The following RERE variants were observed in gnomAD, a reference collection of about 807,000 sequenced individuals.
RERE encodes the protein arginine-glutamic acid dipeptide repeats protein.
RERE carries 40 observed loss-of-function variants against 146.1 expected under a neutral mutation model. The observed-to-expected ratio is 0.27, with a 90% CI of 0.21 to 0.36. RERE has a LOEUF of 0.36. Ranked by LOEUF, RERE falls within the 10% of genes least tolerant of loss-of-function variation. RERE has a pLI of 1.00. For synonymous variants in RERE, 1,003 were observed against 866.0 expected, an observed-to-expected ratio of 1.16 and a Z score of -2.78; for missense variants, 1,933 against 2,138.7, an observed-to-expected ratio of 0.90 and a Z score of 1.90.
chr1:8,391,583 C>A (rs72636929), intron 12 of RERE, among the ~76,000 whole-genome samples: 10,047 of 152,296 alleles, frequency 0.066, 388 homozygotes, highest in Middle Eastern at 0.099. Flanking sequence ...CCCTCCTCAT[C>A]TCTGGGGTCA....
chr1:8,424,768 AG>A (rs1178561050), intron 11 of RERE: 1 of 152,498 alleles, frequency 6.6e-6, no homozygotes, highest in Admixed American at 6.5e-5. Context: ...GGGTGAAGCT[AG>A]GAAGAGGAAG....
chr1:8,608,986 A>C (rs1646757111), intron 4 of RERE, among the ~76,000 whole-genome samples: 2 of 152,126 alleles, frequency 1.3e-5, no homozygotes, highest in Non-Finnish European at 2.9e-5. Flanking sequence ...TGGGAGGCCG[A>C]GGCAGGAGAT....
chr1:8,558,929 G>A (rs1236338746), intron 4 of RERE, among the ~76,000 whole-genome samples: 5 of 150,700 alleles, frequency 3.3e-5, no homozygotes, highest in African/African-American at 1.2e-4. Context: ...CCAAGTAGCT[G>A]GGATTATAGG....
In RERE at chr1:8,656,450, GA is replaced by G; in HGVS notation, c.-144-10del. The G allele has an allele frequency of 9.9e-7, 1 of 1,010,016 alleles. No individual in the cohort carries two copies. Among genetic ancestry groups the G allele is most frequent in the Non-Finnish European group, 1.4e-6 (1 of 697,902 alleles). The allele number at this position is 1,010,016 out of a possible 1,614,324, so 62.6% of individuals were successfully genotyped here. On this transcript the variant is annotated splice_polypyrimidine_tract_variant and intron_variant, in intron 1 of 22. Coordinates refer to ENST00000400908, the MANE Select transcript of RERE (RefSeq NM_001042681.2). ...CCAACGTTTCAAAAATGCTAGGAGAGAAAAAAGAATGGTTTTAACGCTTTTT... is the reference window on the plus strand; with the variant it reads ...CCAACGTTTCAAAAATGCTAGGAGAGAAAAAGAATGGTTTTAACGCTTTTT...
intron 1 of RERE, among the ~76,000 whole-genome samples, chr1:8,725,341 G>A (rs915803817): frequency 2.6e-5 from 4 of 152,164 alleles, no homozygotes; most frequent in African/African-American, 7.2e-5. Flanking sequence ...CAAGGTGGGC[G>A]GATCTCTTGA....
At chr1:8,411,021 TGTAA>T (rs1643600329) in intron 12 of RERE, among the ~76,000 whole-genome samples, 1 of 152,186 alleles carries the variant, frequency 6.6e-6, no homozygotes, top group Non-Finnish European at 1.5e-5. Context: ...TTGCAACAAA[TGTAA>T]GTATTTATAG....
At chr1:8,770,841 C>T (rs1335976015) in intron 1 of RERE, among the ~76,000 whole-genome samples, 4 of 152,186 alleles carry the variant, frequency 2.6e-5, no homozygotes, top group African/African-American at 9.7e-5. Flanking sequence ...ATGTTAACTG[C>T]AGCATCGTTC....
intron 1 of RERE, among the ~76,000 whole-genome samples, chr1:8,788,365 T>G (rs1641297411): frequency 1.3e-5 from 2 of 150,150 alleles, no homozygotes; most frequent in Non-Finnish European, 3.0e-5. Flanking sequence ...TCAAGGAGTT[T>G]TTTTTTTTTT....
chr1:8,463,764 C>T (rs138693684), intron 11 of RERE, among the ~76,000 whole-genome samples: 1 of 151,968 alleles, frequency 6.6e-6, no homozygotes, highest in Admixed American at 6.6e-5. Context: ...CGCCAAAGGG[C>T]ATGGAGACTG....
At chr1:8,727,180 T>C (rs1331387801) in intron 1 of RERE, among the ~76,000 whole-genome samples, 1 of 152,072 alleles carries the variant, frequency 6.6e-6, no homozygotes, top group Non-Finnish European at 1.5e-5. Flanking sequence ...TCTCGCTCTG[T>C]AGCCCAGGCT....
At chr1:8,751,590 C>T (rs1039524494) in intron 1 of RERE, among the ~76,000 whole-genome samples, 1 of 152,090 alleles carries the variant, frequency 6.6e-6, no homozygotes, top group African/African-American at 2.4e-5. Flanking sequence ...GGTGAAAGCA[C>T]ATGCAGAACA....
chr1:8,811,204 A>C (rs1325418123), intron 1 of RERE, among the ~76,000 whole-genome samples: 1 of 152,090 alleles, frequency 6.6e-6, no homozygotes, highest in African/African-American at 2.4e-5. Flanking sequence ...ATATGCCCAC[A>C]TGCTCATCTG....
chr1:8,572,973 CAG>C (rs1244908906), intron 4 of RERE, among the ~76,000 whole-genome samples: 2 of 152,146 alleles, frequency 1.3e-5, no homozygotes, highest in South Asian at 4.1e-4. Flanking sequence ...ATGTCATATA[CAG>C]AGACAGGTTT....
chr1:8,599,321 T>TA (rs1570489203), intron 4 of RERE, among the ~76,000 whole-genome samples: 1 of 152,252 alleles, frequency 6.6e-6, no homozygotes, highest in East Asian at 1.9e-4. Flanking sequence ...GGCCAACTTC[T>TA]TGTATAACTT....
At chr1:8,516,829 G>A (rs1244781565) in intron 7 of RERE, among the ~76,000 whole-genome samples, 1 of 152,144 alleles carries the variant, frequency 6.6e-6, no homozygotes, top group Non-Finnish European at 1.5e-5. Context: ...AAGTTTGAAA[G>A]TCATGATGAA....
At position 8,683,546 on chromosome 1, in the gene RERE, T is replaced by A. The variant is rs11587544; in HGVS notation, c.-144-27105A>T. 5.8e-3 allele frequency among the ~76,000 whole-genome samples: 889 copies of A among 152,290 alleles called. 5 individuals are homozygous for A. The highest frequency in any genetic ancestry group is 8.3e-3 in the Non-Finnish European group (562 of 68,024). On this transcript the variant is annotated intron_variant, in intron 1 of 22. Transcript: ENST00000400908. ...GAAAACTGTTCCCCACAGTTACTGG[T>A]GCTGCTTTTAACAGAATACCAATAA...
chr1:8,749,830 C>T (rs1182850421), intron 1 of RERE, among the ~76,000 whole-genome samples: 1 of 152,126 alleles, frequency 6.6e-6, no homozygotes, highest in African/African-American at 2.4e-5. Context: ...TCTGAAAAAG[C>T]AATTCCACTC....
At chr1:8,515,326 C>A in intron 7 of RERE, among the ~76,000 whole-genome samples, 1 of 151,998 alleles carries the variant, frequency 6.6e-6, no homozygotes, top group East Asian at 1.9e-4. Context: ...CACACCACTG[C>A]ACTCCAGCCT....
chr1:8,529,964 T>C (rs1358680160), intron 7 of RERE, among the ~76,000 whole-genome samples: 1 of 152,130 alleles, frequency 6.6e-6, no homozygotes, highest in Non-Finnish European at 1.5e-5. Flanking sequence ...CCTTGTTTTC[T>C]CTCCTAGTTC....
Sources: allele counts gnomAD v4.1 joint callset (sites outside exome capture counted in the v4.1 genomes callset), GRCh38; gene constraint gnomAD v4.1.1; transcripts MANE v1.5; gene names NCBI Gene and HGNC (gene_info 2026-07-23, HGNC 2026-07-21).